The following MICALL2 variants were observed in gnomAD, a reference collection of about 807,000 sequenced individuals.
MICALL2 encodes the protein MICAL like 2.
A neutral mutation model predicts 91.1 loss-of-function variants in MICALL2; 111 were observed. The ratio of observed to expected loss-of-function variants is 1.22; its 90% CI spans 1.04 to 1.43. The LOEUF (loss-of-function observed/expected upper bound fraction) is 1.43, where lower values mean the gene tolerates loss of function less well. Ranked by LOEUF, MICALL2 falls within the 40% of genes most tolerant of loss-of-function variation. MICALL2 has a pLI of 0.00. For missense variants in MICALL2, 1,556 were observed against 1,236.0 expected (o/e 1.26, Z -3.88); for synonymous variants, 694 against 525.3 (o/e 1.32, Z -4.39).
intron 9 of MICALL2, 160 bp downstream of exon 9, chr7:1,439,757 CACACATGT>C (rs1330128188): frequency 1.0e-5 from 5 of 489,022 alleles, no homozygotes; most frequent in Non-Finnish European, 1.7e-5. Context: ...CACACACATG[CACACATGT>C]ACACACAAGC....
chr7:1,446,910 GC>G (rs1780623459), intron 4 of MICALL2, 82 bp from the exon 5 acceptor site: 2 of 1,001,584 alleles, frequency 2.0e-6, no homozygotes, highest in Non-Finnish European at 2.9e-6. Context: ...GGCCGGAAGA[GC>G]CCATCTTACA....
rs759327569 is a variant in MICALL2 at position 1,447,762 on chromosome 7, C to T, written c.338G>A (p.Gly113Glu). ...YNYFHGRSPI[G>E]GMAGVKRASE... ...GGCCCTCTTCACGCCTGCCATGCCC[C>T]CAACTGGAGGAATCAAGCAGGGATC... Residue 113 changes from glycine to glutamate, a missense_variant, in exon 4 of 17, where the codon GGG becomes GAG. Transcript: ENST00000297508. The T allele has an allele frequency of 3.3e-6, 5 of 1,531,262 alleles. No individual in the cohort carries two copies. Among genetic ancestry groups the T allele is most frequent in the Middle Eastern group, 1.7e-4 (1 of 5,734 alleles). The allele number at this position is 1,531,262 out of a possible 1,614,324, so 94.9% of individuals were successfully genotyped here.
intron 14 of MICALL2, chr7:1,437,176 C>T: frequency 2.1e-6 from 1 of 485,106 alleles, no homozygotes; most frequent in South Asian, 3.0e-5. Flanking sequence ...GGGCCTGTGC[C>T]CTCAGCCAGG....
chr7:1,436,995 G>C (rs1427046635), intron 14 of MICALL2, 139 bp from the exon 15 acceptor site: 4 of 572,346 alleles, frequency 7.0e-6, no homozygotes, highest in Non-Finnish European at 1.2e-5. Flanking sequence ...GGAGCAGAAT[G>C]AATGAGTGAA....
intron 15 of MICALL2, among the ~76,000 whole-genome samples, chr7:1,435,507 C>T (rs1018895200): frequency 6.7e-6 from 1 of 148,504 alleles, no homozygotes; most frequent in Admixed American, 6.7e-5. Flanking sequence ...GGGCCTGGGC[C>T]GACCACACAG....
At chr7:1,454,920 G>A (rs939962360) in intron 1 of MICALL2, among the ~76,000 whole-genome samples, 11 of 152,184 alleles carry the variant, frequency 7.2e-5, no homozygotes, top group Non-Finnish European at 1.6e-4. Context: ...CCAGCCCTGA[G>A]CCCGCCTCCA....
rs890494270 is a variant in MICALL2, at chr7:1,452,527, G to A, written c.144-2239C>T. ...ATGTCCCCGGAAAGAATGCCCGGAC[G>A]GCCGGGAGGGCAGTGTCACAAGTCT... On this transcript the variant is annotated intron_variant, in intron 1 of 16. Transcript: ENST00000297508. The surrounding 1 kb of genome is among the most constrained non-coding windows in gnomAD (Gnocchi z 6.2). 1.3e-5 allele frequency among the ~76,000 whole-genome samples: 2 copies of A among 152,194 alleles called. No individual in the cohort carries two copies. Among genetic ancestry groups the A allele is most frequent in the Non-Finnish European group, 2.9e-5 (2 of 68,034 alleles).
chr7:1,440,958 G>T (rs1180655881), intron 7 of MICALL2: 3 of 464,242 alleles, frequency 6.5e-6, no homozygotes, highest in African/African-American at 2.0e-5. Flanking sequence ...GACGTGGCAG[G>T]GTGAGCCCCG....
intron 8 of MICALL2, chr7:1,440,375 G>A (rs903257568): frequency 1.6e-5 from 10 of 629,298 alleles, no homozygotes; most frequent in East Asian, 8.3e-5. Flanking sequence ...GAACCCACAC[G>A]GGTGCTGCCA....
chr7:1,438,721 C>G, intron 10 of MICALL2, 119 bp downstream of exon 10: 1 of 1,494,004 alleles, frequency 6.7e-7, no homozygotes, highest in Non-Finnish European at 8.9e-7. Context: ...TTCCTCCAGG[C>G]TTTCCCTCCA....
At position 1,459,448 on chromosome 7, in the gene MICALL2, C is replaced by G. The variant is rs1319627770; in HGVS notation, c.-122G>C. 8 of 941,222 alleles carry G rather than the reference C, an allele frequency of 8.5e-6. No homozygotes were observed. Among genetic ancestry groups the G allele is most frequent in the Non-Finnish European group, 1.2e-5 (8 of 695,566 alleles). 58.3% of individuals were successfully genotyped at this position (941,222 alleles called of 1,614,324 possible). ...CTACGGAACCGCCAGACCCACGGCG[C>G]CCAGCCCCAGCTGAGCCGGACTGAG... On this transcript the variant is annotated 5_prime_UTR_variant, in exon 1 of 17. Transcript: ENST00000297508.
Position 1,444,696 on chromosome 7 carries a change from C to G in MICALL2, c.1374G>C (p.Gln458His). Residue 458 changes from glutamine to histidine, a missense_variant, in exon 6 of 17, where the codon CAG (glutamine) becomes CAC (histidine). Coordinates refer to ENST00000297508, the MANE Select transcript of MICALL2 (RefSeq NM_182924.4). The part of the protein sequence containing the change: ...SKEQARNFLK[Q>H]ALSALEEAGA... The stretch of plus-strand genomic sequence containing the variant: ...CAGCCTCTTCCAGCGCTGAGAGGGC[C>G]TGCTTGAGGAAGTTCCGCGCCTGCT... 6.2e-7 allele frequency: 1 copy of G among 1,612,202 alleles called. No individual in the cohort carries two copies. The highest frequency in any genetic ancestry group is 8.5e-7 in the Non-Finnish European group (1 of 1,179,844).
chr7:1,457,782 C>G (rs992564890), intron 1 of MICALL2, among the ~76,000 whole-genome samples: 2 of 152,262 alleles, frequency 1.3e-5, no homozygotes, highest in Non-Finnish European at 2.9e-5. Context: ...TCTCCCCACC[C>G]CAGAGGCTTT....
chr7:1,439,053 G>A (rs1025428056), intron 9 of MICALL2, 58 bp from the exon 10 acceptor site: 25 of 1,397,546 alleles, frequency 1.8e-5, no homozygotes, highest in Admixed American at 3.8e-5. Flanking sequence ...GGGAGCCTGG[G>A]GTCTGTCCCA....
At position 1,445,280 on chromosome 7, in the gene MICALL2, C is replaced by G; in HGVS notation, c.790G>C (p.Gly264Arg). 6.2e-7 allele frequency: 1 copy of G among 1,612,434 alleles called. No homozygotes were observed. Among genetic ancestry groups the G allele is most frequent in the Non-Finnish European group, 8.5e-7 (1 of 1,179,848 alleles). ...GLVPRQPGAM[G>R]VDSRTSCSPQ... The stretch of plus-strand genomic sequence containing the variant: ...GAACAGGAGGTCCTGGAATCCACAC[C>G]CATGGCCCCTGGCTGTCGGGGGACC... The change falls in exon 6 of 17, where the codon GGT becomes CGT. Residue 264 changes from glycine to arginine, a missense_variant. Transcript: ENST00000297508.
intron 1 of MICALL2, among the ~76,000 whole-genome samples, chr7:1,455,157 A>T (rs996518082): frequency 1.3e-5 from 2 of 152,002 alleles, no homozygotes; most frequent in African/African-American, 2.4e-5. Context: ...CAGCCCAGAC[A>T]CGCTGTGCCC....
intron 2 of MICALL2, 59 bp from the exon 3 acceptor site, chr7:1,448,820 G>A: frequency 6.3e-7 from 1 of 1,593,460 alleles, no homozygotes; most frequent in South Asian, 1.1e-5. Context: ...TCTCCACCAG[G>A]CCGCAGCTCA....
In MICALL2 at chr7:1,450,548, A is replaced by G. The variant is rs370402806; in HGVS notation, c.144-260T>C. 7.1e-5 allele frequency: 32 copies of G among 450,964 alleles called. 1 individual carries two copies. Among genetic ancestry groups the G allele is most frequent in the Middle Eastern group, 1.3e-3 (2 of 1,582 alleles). 27.9% of individuals were successfully genotyped at this position (450,964 alleles called of 1,614,324 possible). Reference sequence around the variant, plus strand: ...CCTGTACCCTGACAGGCCGCCCCTCACCAGTGCTCCTGCCACAGTCAGAGG... The same window carrying G: ...CCTGTACCCTGACAGGCCGCCCCTCGCCAGTGCTCCTGCCACAGTCAGAGG... On this transcript the variant is annotated intron_variant, in intron 1 of 16. Coordinates refer to ENST00000297508, the MANE Select transcript of MICALL2 (RefSeq NM_182924.4).
In MICALL2 at chr7:1,438,182, C is replaced by A; in HGVS notation, c.2226G>T (p.Arg742Ser). 1 of 1,574,818 alleles carries A rather than the reference C, an allele frequency of 6.3e-7. No individual in the cohort carries two copies. The highest frequency in any genetic ancestry group is 8.6e-7 in the Non-Finnish European group (1 of 1,160,136). Residue 742 changes from arginine to serine, a missense_variant, in exon 12 of 17, where the codon AGG (arginine) becomes AGT (serine). Physicochemically the swap from Arg to Ser is moderately radical, Grantham distance 110. Transcript: ENST00000297508. ...GCCGCCTCTCGATGTCCTGCAGCTG[C>A]CTCTGTATCTCCTCCGGGGAGAGGT... ...PDYLSPEEIQ[R>S]QLQDIERRLD...
Sources: allele counts gnomAD v4.1 joint callset (sites outside exome capture counted in the v4.1 genomes callset), GRCh38; gene constraint gnomAD v4.1.1; non-coding constraint Gnocchi (gnomAD v3.1); transcripts MANE v1.5; gene names NCBI Gene and HGNC (gene_info 2026-07-23, HGNC 2026-07-21).